The following ASAP1 variants were observed in gnomAD, a reference collection of about 807,000 sequenced individuals.
ASAP1 encodes the protein ArfGAP with SH3 domain, ankyrin repeat and PH domain 1, also known as arf-GAP with SH3 domain, ANK repeat and PH domain-containing protein 1.
ASAP1 carries 43 observed loss-of-function variants against 145.2 expected under a neutral mutation model. That is an observed-to-expected ratio of 0.30 (90% CI 0.23 to 0.38). The LOEUF is 0.38. Among genes scored for constraint, ASAP1 ranks in the 10% least tolerant of loss-of-function variants. The pLI is 1.00. For synonymous variants in ASAP1, 546 were observed against 515.5 expected, an observed-to-expected ratio of 1.06 and a Z score of -0.80; for missense variants, 1,018 against 1,355.3, an observed-to-expected ratio of 0.75 and a Z score of 3.91.
At position 130,115,751 on chromosome 8, in the gene ASAP1, A is replaced by G; in HGVS notation, c.2065-16T>C. ...CCTGGGAAAGCTGGAAGGAACAGCAAATGTGCACCATTTTAATTTAAATGC... is the reference window on the plus strand; with the variant it reads ...CCTGGGAAAGCTGGAAGGAACAGCAGATGTGCACCATTTTAATTTAAATGC... On this transcript the variant is annotated splice_polypyrimidine_tract_variant and intron_variant, in intron 22 of 29. Transcript: ENST00000518721. 6.5e-7 allele frequency: 1 copy of G among 1,548,916 alleles called. No individual in the cohort carries two copies. The highest frequency in any genetic ancestry group is 8.9e-7 in the Non-Finnish European group (1 of 1,122,472).
Position 130,060,987 on chromosome 8 carries a change from T to C in ASAP1, c.2784A>G (p.Ala928=). Residue 928 remains alanine, a synonymous_variant, in exon 28 of 30, where the codon GCA becomes GCG. Coordinates refer to ENST00000518721, the MANE Select transcript of ASAP1 (RefSeq NM_018482.4). ...PEIFQKSSQL[A]ELPQKPPPGD... ...CAGGTGGTGGCTTTTGTGGCAACTC[T>C]GCCAACTGTGATGATTTCTGAAAGA... 1 of 1,580,916 alleles carries C rather than the reference T, an allele frequency of 6.3e-7. No homozygotes were observed. Among genetic ancestry groups the C allele is most frequent in the Admixed American group, 1.9e-5 (1 of 53,862 alleles).
At chr8:130,068,493 A>T (rs539258038) in intron 27 of ASAP1, among the ~76,000 whole-genome samples, 1 of 152,330 alleles carries the variant, frequency 6.6e-6, no homozygotes, top group South Asian at 2.1e-4. Flanking sequence ...CTTCCTGAGG[A>T]ACCTTTACTA....
chr8:130,357,079 A>G (rs990700033), intron 3 of ASAP1, among the ~76,000 whole-genome samples: 2 of 151,976 alleles, frequency 1.3e-5, no homozygotes, highest in African/African-American at 2.4e-5. Context: ...CAAATATCCT[A>G]TTTTTATCGT....
intron 29 of ASAP1, among the ~76,000 whole-genome samples, chr8:130,055,290 T>TAAAAAAG (rs2097401309): frequency 7.8e-6 from 1 of 128,126 alleles, no homozygotes; most frequent in South Asian, 2.4e-4. Flanking sequence ...GTGATACATT[T>TAAAAAAG]AAAAAAGAAA....
intron 24 of ASAP1, among the ~76,000 whole-genome samples, chr8:130,099,700 T>TTTG (rs35874860): frequency 0.11 from 14,123 of 124,852 alleles, 923 homozygotes; most frequent in Non-Finnish European, 0.15. Flanking sequence ...TTTTTTTTTT[T>TTTG]GAGACAGAGT....
At chr8:130,198,156 C>CA (rs1815631041) in intron 5 of ASAP1, among the ~76,000 whole-genome samples, 1 of 144,448 alleles carries the variant, frequency 6.9e-6, no homozygotes, top group Non-Finnish European at 1.5e-5. Flanking sequence ...TTTTTTGAGA[C>CA]AGAGTCTTAC....
In ASAP1 at chr8:130,404,092, T is replaced by C. The variant is rs1828921680; in HGVS notation, c.-27-2122A>G. On this transcript the variant is annotated intron_variant, in intron 1 of 29. Transcript: ENST00000518721. Reference sequence around the variant, plus strand: ...AAGACTGATTAATATCTGCTAATTTTCTTCAATTGTAAGCCATGTGGATAC... The same window carrying C: ...AAGACTGATTAATATCTGCTAATTTCCTTCAATTGTAAGCCATGTGGATAC... Among the ~76,000 whole-genome samples the C allele has an allele frequency of 2.0e-5, 3 of 152,250 alleles. No individual in the cohort carries two copies. In the South Asian group the frequency reaches 6.2e-4, roughly 32 times the overall value.
intron 15 of ASAP1, among the ~76,000 whole-genome samples, chr8:130,132,398 A>G (rs952416032): frequency 1.6e-5 from 2 of 122,030 alleles, no homozygotes; most frequent in Non-Finnish European, 3.5e-5. Context: ...TACCCATAAC[A>G]ACAAGTCATC....
intron 1 of ASAP1, among the ~76,000 whole-genome samples, chr8:130,433,324 G>A (rs868843725): frequency 6.6e-5 from 10 of 152,152 alleles, no homozygotes; most frequent in Admixed American, 6.5e-4. Flanking sequence ...CAAAGCCTTC[G>A]ATCCAGCTAT....
chr8:130,152,443 T>C (rs1156987210), intron 13 of ASAP1, among the ~76,000 whole-genome samples: 1 of 152,146 alleles, frequency 6.6e-6, no homozygotes, highest in Non-Finnish European at 1.5e-5. Flanking sequence ...TCTCTATAAT[T>C]CAAAGACCTA....
intron 24 of ASAP1, among the ~76,000 whole-genome samples, chr8:130,107,341 C>A (rs919648185): frequency 2.0e-5 from 3 of 151,802 alleles, no homozygotes; most frequent in Non-Finnish European, 4.4e-5. Context: ...CTCCACCACA[C>A]CCGGCTAATT....
intron 5 of ASAP1, among the ~76,000 whole-genome samples, chr8:130,199,976 A>T (rs1487858838): frequency 6.6e-6 from 1 of 152,252 alleles, no homozygotes; most frequent in Non-Finnish European, 1.5e-5. Context: ...GTATAAACAT[A>T]ACTTTTTGAA....
intron 4 of ASAP1, among the ~76,000 whole-genome samples, chr8:130,216,342 T>C (rs577578275): frequency 6.6e-6 from 1 of 152,204 alleles, no homozygotes; most frequent in Non-Finnish European, 1.5e-5. Context: ...TTGTGAAAAT[T>C]TCTCCTCCCT....
chr8:130,121,744 ACTGCAC>A (rs2097566331), intron 18 of ASAP1, among the ~76,000 whole-genome samples: 1 of 135,908 alleles, frequency 7.4e-6, no homozygotes, highest in Non-Finnish European at 1.5e-5. Context: ...AGATCGCATC[ACTGCAC>A]TCCAGCCTAG....
chr8:130,249,240 CAG>C (rs1287244026), intron 3 of ASAP1, among the ~76,000 whole-genome samples: 4 of 152,126 alleles, frequency 2.6e-5, no homozygotes, highest in Non-Finnish European at 5.9e-5. Flanking sequence ...GACTTTAAAA[CAG>C]AATCAAGTGG....
intron 12 of ASAP1, among the ~76,000 whole-genome samples, chr8:130,158,912 T>C (rs2097663410): frequency 6.6e-6 from 1 of 152,032 alleles, no homozygotes; most frequent in Admixed American, 6.5e-5. Flanking sequence ...TTTGTATTTT[T>C]AGTAGAGACG....
intron 23 of ASAP1, among the ~76,000 whole-genome samples, chr8:130,114,088 T>C (rs2097550934): frequency 6.6e-6 from 1 of 152,202 alleles, no homozygotes; most frequent in African/African-American, 2.4e-5. Context: ...AGTTATGGAC[T>C]TTCAATAAAG....
intron 3 of ASAP1, among the ~76,000 whole-genome samples, chr8:130,345,254 A>G (rs1398481226): frequency 1.3e-5 from 2 of 152,196 alleles, no homozygotes; most frequent in East Asian, 3.8e-4. Context: ...TACCATCCAT[A>G]AAGAAAAATC....
At chr8:130,185,359 C>T (rs1238535664) in intron 7 of ASAP1, among the ~76,000 whole-genome samples, 1 of 152,152 alleles carries the variant, frequency 6.6e-6, no homozygotes, top group Non-Finnish European at 1.5e-5. Context: ...TCATTAGGCA[C>T]TGGTAGAATA....
Sources: gnomAD v4.1 joint callset for allele counts (sites outside exome capture counted in the v4.1 genomes callset) on GRCh38, gnomAD v4.1.1 for gene constraint, MANE v1.5 for transcripts, NCBI Gene and HGNC (gene_info 2026-07-23, HGNC 2026-07-21) for gene names.